DUSP22: variants seen among roughly 807,000 people sequenced by gnomAD.
The protein encoded by DUSP22 is dual specificity protein phosphatase 22.
A neutral mutation model predicts 24.5 loss-of-function variants in DUSP22; 24 were observed. The ratio of observed to expected loss-of-function variants is 0.98; its 90% CI spans 0.71 to 1.38. The LOEUF (loss-of-function observed/expected upper bound fraction) is 1.38, where lower values mean the gene tolerates loss of function less well. Among genes scored for constraint, DUSP22 ranks in the 40% most tolerant of loss-of-function variants. DUSP22 has a pLI of 0.00. For synonymous variants in DUSP22, 160 were observed against 106.4 expected (o/e 1.50, Z -3.10); for missense variants, 330 against 269.2 (o/e 1.23, Z -1.58).
intron 3 of DUSP22, 112 bp downstream of exon 3, chr6:312,074 A>G (rs1166423052): frequency 8.7e-7 from 1 of 1,153,322 alleles, no homozygotes; most frequent in African/African-American, 1.5e-5. Flanking sequence ...TACTCCTGTG[A>G]TCTCTGGCGG....
intron 2 of DUSP22, among the ~76,000 whole-genome samples, chr6:305,146 C>A (rs1439739747): frequency 6.6e-6 from 1 of 152,306 alleles, no homozygotes; most frequent in African/African-American, 2.4e-5. Context: ...TTTAAAAGAT[C>A]AGCTTTAGAC....
chr6:314,436 CTG>C (rs1173686639), intron 3 of DUSP22, among the ~76,000 whole-genome samples: 1 of 152,308 alleles, frequency 6.6e-6, no homozygotes, highest in Non-Finnish European at 1.5e-5. Flanking sequence ...GGGCACTACA[CTG>C]TGGATACTTC....
intron 5 of DUSP22, among the ~76,000 whole-genome samples, chr6:347,441 C>T (rs564306398): frequency 6.6e-6 from 1 of 152,300 alleles, no homozygotes; most frequent in Non-Finnish European, 1.5e-5. Context: ...CACAGCCATT[C>T]TGTGACCGCC....
At chr6:341,070 A>G (rs771315879) in intron 4 of DUSP22, among the ~76,000 whole-genome samples, 316 of 152,336 alleles carry the variant, frequency 2.1e-3, no homozygotes, top group Non-Finnish European at 3.9e-3. Flanking sequence ...GCTGCGGGTG[A>G]CTGGGCAGTT....
chr6:344,525 A>G (rs1759766424), intron 4 of DUSP22, among the ~76,000 whole-genome samples: 1 of 152,300 alleles, frequency 6.6e-6, no homozygotes, highest in African/African-American at 2.4e-5. Context: ...CCTGAGCTCA[A>G]GTGGTCTGCC....
chr6:334,873 A>C (rs1204546747), intron 3 of DUSP22, among the ~76,000 whole-genome samples: 1 of 152,306 alleles, frequency 6.6e-6, no homozygotes, highest in Non-Finnish European at 1.5e-5. Flanking sequence ...TGCCCTTTGA[A>C]TTTTGCCTAA....
intron 3 of DUSP22, among the ~76,000 whole-genome samples, chr6:315,091 CA>C (rs1758282139): frequency 6.6e-6 from 1 of 152,424 alleles, no homozygotes; most frequent in Admixed American, 6.5e-5. Context: ...TCCACTGGAC[CA>C]TGATGGGTGA....
rs1206203238 is a variant in DUSP22 at position 348,855 on chromosome 6, G to A, written c.522G>A (p.Glu174=). The change falls in exon 7 of 7, where the codon GAG becomes GAA. Residue 174 remains glutamate, a synonymous_variant. Coordinates refer to ENST00000419235, the MANE Select transcript of DUSP22 (RefSeq NM_001286555.3). ...AAAACATTCTGGGTAAATATAAGGA[G>A]CAAGGGCGCACAGAGCCCCAGCCCG... ...EAKNILGKYK[E]QGRTEPQPGA... 3 of 1,614,320 alleles carry A rather than the reference G, an allele frequency of 1.9e-6. No individual in the cohort carries two copies. Among genetic ancestry groups the A allele is most frequent in the African/African-American group, 1.3e-5 (1 of 75,090 alleles).
At chr6:342,540 C>T (rs1312127685) in intron 4 of DUSP22, among the ~76,000 whole-genome samples, 2 of 152,308 alleles carry the variant, frequency 1.3e-5, no homozygotes, top group Non-Finnish European at 2.9e-5. Context: ...AGTCTGGAGC[C>T]ACTTCTGGGC....
At position 349,288 on chromosome 6, in the gene DUSP22, A is replaced by T; in HGVS notation, c.*337A>T. On this transcript the variant is annotated 3_prime_UTR_variant, in exon 7 of 7. Coordinates refer to ENST00000419235, the MANE Select transcript of DUSP22 (RefSeq NM_001286555.3). ...GTGTGAGTGAGGGTATGTGCACCTA[A>T]GTGTGTACATGTGTGTATGTTGTGA... 5 of 1,272,016 alleles carry T rather than the reference A, an allele frequency of 3.9e-6. No individual in the cohort carries two copies. Among genetic ancestry groups the T allele is most frequent in the Non-Finnish European group, 5.0e-6 (5 of 1,000,198 alleles). The allele number at this position is 1,272,016 out of a possible 1,614,324, so 78.8% of individuals were successfully genotyped here. A position where few individuals can be genotyped will look rare whatever the true frequency, so the allele number is the denominator to read the frequency against.
rs1458716812 is a variant in DUSP22, at chr6:349,610, C to G, written c.*659C>G. ...CCAGACTCCTCTAGAGGGAGGGTGG[C>G]TCTGGGGCCCTGGAAAACGTGAGAG... On this transcript the variant is annotated 3_prime_UTR_variant, in exon 7 of 7. Coordinates refer to ENST00000419235, the MANE Select transcript of DUSP22 (RefSeq NM_001286555.3). 3 of 987,148 alleles carry G rather than the reference C, an allele frequency of 3.0e-6. No homozygotes were observed. The South Asian group carries it at 1.4e-4, about 46-fold the overall frequency. The allele number at this position is 987,148 out of a possible 1,614,324, so 61.1% of individuals were successfully genotyped here. A position where few individuals can be genotyped will look rare whatever the true frequency, so the allele number is the denominator to read the frequency against.
intron 4 of DUSP22, among the ~76,000 whole-genome samples, chr6:342,138 A>G (rs1295750467): frequency 2.6e-5 from 4 of 152,310 alleles, no homozygotes; most frequent in African/African-American, 9.6e-5. Context: ...GTCCCCACTC[A>G]GATGGGCAGC....
At chr6:333,805 C>T (rs374537575) in intron 3 of DUSP22, among the ~76,000 whole-genome samples, 2 of 152,296 alleles carry the variant, frequency 1.3e-5, no homozygotes, top group African/African-American at 2.4e-5. Flanking sequence ...GTGTGCTTCC[C>T]GGATCCCACT....
In DUSP22 at chr6:348,166, TG is replaced by T; in HGVS notation, c.329del (p.Gly110AlafsTer41). On this transcript the variant is annotated frameshift_variant, in exon 6 of 7. Coordinates refer to ENST00000419235, the MANE Select transcript of DUSP22 (RefSeq NM_001286555.3). LOFTEE classifies it high-confidence loss of function. Reference protein sequence around the residue: ...IAYIMTVTDFGWEDALHTVRA... With the variant: ...IAYIMTVTDFXWEDALHTVRA... ...CATACATCATGACCGTCACTGACTT[TG>T]GCTGGGAGGATGCCCTGCACACCGT... 1 of 1,614,312 alleles carries T rather than the reference TG, an allele frequency of 6.2e-7. No individual in the cohort carries two copies. The highest frequency in any genetic ancestry group is 8.5e-7 in the Non-Finnish European group (1 of 1,180,060).
chr6:342,237 T>C (rs1180294698), intron 4 of DUSP22, among the ~76,000 whole-genome samples: 1 of 152,306 alleles, frequency 6.6e-6, no homozygotes, highest in Non-Finnish European at 1.5e-5. Flanking sequence ...GTCATTCATT[T>C]CTAGATTTGC....
intron 3 of DUSP22, among the ~76,000 whole-genome samples, chr6:314,830 AC>A (rs1332475549): frequency 6.6e-5 from 10 of 152,278 alleles, no homozygotes; most frequent in Non-Finnish European, 1.2e-4. Flanking sequence ...TTAGGAAGGA[AC>A]TAAGGAACTT....
chr6:324,495 G>A (rs1489395778), intron 3 of DUSP22, among the ~76,000 whole-genome samples: 1 of 152,300 alleles, frequency 6.6e-6, no homozygotes, highest in African/African-American at 2.4e-5. Flanking sequence ...TCCTGGTGTT[G>A]AGGAGAAACA....
At chr6:334,286 T>C (rs1315420353) in intron 3 of DUSP22, among the ~76,000 whole-genome samples, 4 of 152,296 alleles carry the variant, frequency 2.6e-5, no homozygotes, top group Admixed American at 6.5e-5. Flanking sequence ...ATTCATCTAA[T>C]TCTTCATCAG....
At position 348,731 on chromosome 6, in the gene DUSP22, T is replaced by C. The variant is rs573233353; in HGVS notation, c.436-38T>C. The stretch of plus-strand genomic sequence containing the variant: ...GCCCACGTGGATGCAGACGTGCACA[T>C]GTGTGTGACGTTTCGGGTTTGTTTC... On this transcript the variant is annotated intron_variant, in intron 6 of 6. Coordinates refer to ENST00000419235, the MANE Select transcript of DUSP22 (RefSeq NM_001286555.3). The C allele has an allele frequency of 1.4e-5, 22 of 1,613,380 alleles. No homozygotes were observed. In the African/African-American group the frequency reaches 2.4e-4, roughly 18 times the overall value.
Sources: gnomAD v4.1 joint callset for allele counts (sites outside exome capture counted in the v4.1 genomes callset) on GRCh38, gnomAD v4.1.1 for gene constraint, MANE v1.5 for transcripts, NCBI Gene and HGNC (gene_info 2026-07-23, HGNC 2026-07-21) for gene names.